The following KCNN3 variants were observed in gnomAD, a reference collection of about 807,000 sequenced individuals.
The protein encoded by KCNN3 is potassium calcium-activated channel subfamily N member 3, also known as small conductance calcium-activated potassium channel protein 3.
Under a neutral mutation model 62.9 loss-of-function variants are expected in KCNN3, and 16 were observed. That is an observed-to-expected ratio of 0.25 (90% CI 0.17 to 0.39). The LOEUF is 0.39. Ranked by LOEUF, KCNN3 falls within the 10% of genes least tolerant of loss-of-function variation. KCNN3 has a pLI of 1.00. For synonymous variants in KCNN3, 370 were observed against 389.2 expected (o/e 0.95, Z 0.58); for missense variants, 599 against 949.4 (o/e 0.63, Z 4.85).
intron 1 of KCNN3, among the ~76,000 whole-genome samples, chr1:154,838,412 G>C (rs1348305461): frequency 2.6e-5 from 4 of 152,070 alleles, no homozygotes; most frequent in Non-Finnish European, 5.9e-5. Flanking sequence ...GCTCCCCACA[G>C]CCTCTGGGAT....
intron 1 of KCNN3, among the ~76,000 whole-genome samples, chr1:154,851,099 C>T (rs1652281860): frequency 1.3e-5 from 2 of 152,224 alleles, no homozygotes; most frequent in African/African-American, 4.8e-5. Context: ...CTGCCTCAGC[C>T]TCCCGAGTAG....
chr1:154,720,734 G>A (rs1700328406), intron 5 of KCNN3, among the ~76,000 whole-genome samples: 2 of 152,228 alleles, frequency 1.3e-5, no homozygotes, highest in African/African-American at 4.8e-5. Context: ...AGAGTCTAAG[G>A]AGATCCATGG....
At chr1:154,739,144 C>T (rs1444599695) in intron 3 of KCNN3, among the ~76,000 whole-genome samples, 1 of 152,150 alleles carries the variant, frequency 6.6e-6, no homozygotes, top group South Asian at 2.1e-4. Flanking sequence ...AAGTAGCTGC[C>T]TCTGGAGAAC....
chr1:154,778,774 G>T (rs911978403), intron 2 of KCNN3, among the ~76,000 whole-genome samples: 5 of 151,860 alleles, frequency 3.3e-5, no homozygotes, highest in Non-Finnish European at 5.9e-5. Flanking sequence ...GCTAATTTTT[G>T]TATTTTTAGT....
At chr1:154,784,399 C>G (rs921880528) in intron 2 of KCNN3, among the ~76,000 whole-genome samples, 2 of 152,202 alleles carry the variant, frequency 1.3e-5, no homozygotes, top group Admixed American at 1.3e-4. Flanking sequence ...GGTGTCTCAT[C>G]CCAGCTAAAC....
rs1424334152 is a variant in KCNN3 at position 154,702,724 on chromosome 1, T to G, written c.*5252A>C. 1 of 124,014 alleles carries G rather than the reference T, an allele frequency of 8.1e-6. No individual in the cohort carries two copies. The highest frequency in any genetic ancestry group is 1.6e-5 in the Non-Finnish European group (1 of 62,360). The allele number at this position is 124,014 out of a possible 1,614,324, so 7.7% of individuals were successfully genotyped here. On this transcript the variant is annotated 3_prime_UTR_variant, in exon 8 of 8. Transcript: ENST00000271915. ...AGATATATATATATATATATATATA[T>G]ATATATATATATATATATATATATG... is the stretch of plus-strand genomic sequence containing the variant.
chr1:154,859,016 C>T (rs1042622971), intron 1 of KCNN3, among the ~76,000 whole-genome samples: 1 of 152,168 alleles, frequency 6.6e-6, no homozygotes, highest in African/African-American at 2.4e-5. Flanking sequence ...AGGTATGGTG[C>T]CCCCCTGAGG....
intron 6 of KCNN3, among the ~76,000 whole-genome samples, chr1:154,714,599 ATGTGTGG>A (rs879631409): frequency 0.17 from 3,418 of 19,840 alleles, 326 homozygotes; most frequent in Non-Finnish European, 0.23. Flanking sequence ...GGTGTGTGTG[ATGTGTGG>A]TGTGTGGTGT....
At chr1:154,846,137 G>A (rs1395476246) in intron 1 of KCNN3, among the ~76,000 whole-genome samples, 1 of 152,144 alleles carries the variant, frequency 6.6e-6, no homozygotes, top group Non-Finnish European at 1.5e-5. Flanking sequence ...TTCCTGCCAG[G>A]CCCAAGGGAG....
intron 1 of KCNN3, among the ~76,000 whole-genome samples, chr1:154,829,858 G>C (rs1651312600): frequency 6.6e-6 from 1 of 152,168 alleles, no homozygotes; most frequent in South Asian, 2.1e-4. Context: ...GGCTGGCCAT[G>C]CCTGGTGTCT....
At position 154,870,227 on chromosome 1, in the gene KCNN3, T is replaced by C. The variant is rs1186968846; in HGVS notation, c.-263A>G. On this transcript the variant is annotated 5_prime_UTR_variant, in exon 1 of 8. Transcript: ENST00000271915. Reference sequence around the variant, plus strand: ...GGGGTGAAAGAACTCTCTCAGGAGGTGGTCCTCTAGGAGCGTGTGAGGCCA... The same window carrying C: ...GGGGTGAAAGAACTCTCTCAGGAGGCGGTCCTCTAGGAGCGTGTGAGGCCA... The C allele has an allele frequency of 1.5e-6, 1 of 657,248 alleles. No homozygotes were observed. Among genetic ancestry groups the C allele is most frequent in the South Asian group, 1.5e-5 (1 of 66,200 alleles). 40.7% of individuals were successfully genotyped at this position (657,248 alleles called of 1,614,324 possible).
chr1:154,822,593 C>T lies in KCNN3; in HGVS notation c.934-409G>A, dbSNP rs563148078. On this transcript the variant is annotated intron_variant, in intron 1 of 7. Transcript: ENST00000271915. ...TTACATGGTTTGGGCATCAATATTA[C>T]GCCAGCTTGGGCCTCTGTTTTCTCT... Among the ~76,000 whole-genome samples, 17 of 152,352 alleles carry T rather than the reference C, an allele frequency of 1.1e-4. No individual in the cohort carries two copies. In the South Asian group the frequency reaches 2.5e-3, roughly 22 times the overall value.
rs1262205590 is a variant in KCNN3 at position 154,706,487 on chromosome 1, G to A, written c.*1489C>T. On this transcript the variant is annotated 3_prime_UTR_variant, in exon 8 of 8. Coordinates refer to ENST00000271915, the MANE Select transcript of KCNN3 (RefSeq NM_002249.6). ...CAAATGTTACGTGTGGTCAGATTATGGAGCAATGAAAACATTTTTCTGCGC... is the reference window on the plus strand; with the variant it reads ...CAAATGTTACGTGTGGTCAGATTATAGAGCAATGAAAACATTTTTCTGCGC... 1 of 152,184 alleles carries A rather than the reference G, an allele frequency of 6.6e-6. No individual in the cohort carries two copies. The highest frequency in any genetic ancestry group is 2.4e-5 in the African/African-American group (1 of 41,432). The allele number at this position is 152,184 out of a possible 1,614,324, so 9.4% of individuals were successfully genotyped here. A position where few individuals can be genotyped will look rare whatever the true frequency, so the allele number is the denominator to read the frequency against.
chr1:154,805,145 C>A (rs1036620885), intron 2 of KCNN3, among the ~76,000 whole-genome samples: 1 of 151,948 alleles, frequency 6.6e-6, no homozygotes, highest in African/African-American at 2.4e-5. Context: ...TCGAGTGAGG[C>A]GGTGAAGAGG....
At position 154,867,434 on chromosome 1, in the gene KCNN3, G is replaced by A. The variant is rs992360382; in HGVS notation, c.933+1598C>T. Among the ~76,000 whole-genome samples, 3 of 152,150 alleles carry A rather than the reference G, an allele frequency of 2.0e-5. No individual in the cohort carries two copies. In the South Asian group the frequency reaches 6.2e-4, roughly 32 times the overall value. On this transcript the variant is annotated intron_variant, in intron 1 of 7. Coordinates refer to ENST00000271915, the MANE Select transcript of KCNN3 (RefSeq NM_002249.6). Reference sequence around the variant, plus strand: ...GGGGCAGCCCACTGAGAGAGCAGCCGGGTTGCTGGAGGACCCTCTGCCTGG... The same window carrying A: ...GGGGCAGCCCACTGAGAGAGCAGCCAGGTTGCTGGAGGACCCTCTGCCTGG...
intron 1 of KCNN3, chr1:154,859,634 A>G (rs1227153503): frequency 1.3e-6 from 2 of 1,535,594 alleles, no homozygotes; most frequent in African/African-American, 1.4e-5. Context: ...GGCTCAAGCC[A>G]GGCAACAGGT....
At chr1:154,719,740 C>T (rs1700306513) in intron 5 of KCNN3, among the ~76,000 whole-genome samples, 1 of 152,128 alleles carries the variant, frequency 6.6e-6, no homozygotes, top group South Asian at 2.1e-4. Flanking sequence ...CCACTCTCCC[C>T]TCATCACCAC....
chr1:154,791,228 CAA>C (rs534142359), intron 2 of KCNN3, among the ~76,000 whole-genome samples: 6 of 59,740 alleles, frequency 1.0e-4, no homozygotes, highest in Admixed American at 2.0e-4. Flanking sequence ...GACTCCATCT[CAA>C]AAAAAAAAAA....
In KCNN3 at chr1:154,809,712, G is replaced by A. The variant is rs977069139; in HGVS notation, c.1029+12377C>T. 6.6e-6 allele frequency among the ~76,000 whole-genome samples: 1 copy of A among 152,154 alleles called. No homozygotes were observed. Among genetic ancestry groups the A allele is most frequent in the Non-Finnish European group, 1.5e-5 (1 of 68,044 alleles). Reference sequence around the variant, plus strand: ...AGGGCTGAAACAGCTGCAGGGAAACGTAACAGAAGAAAATGAAAGGTACAG... The same window carrying A: ...AGGGCTGAAACAGCTGCAGGGAAACATAACAGAAGAAAATGAAAGGTACAG... On this transcript the variant is annotated intron_variant, in intron 2 of 7. Transcript: ENST00000271915. This position sits in a 1 kb window ranked among gnomAD's most constrained non-coding sequence, Gnocchi z 4.3.
Sources: gnomAD v4.1 joint callset for allele counts (sites outside exome capture counted in the v4.1 genomes callset) on GRCh38, gnomAD v4.1.1 for gene constraint, Gnocchi (gnomAD v3.1) non-coding constraint, MANE v1.5 for transcripts, NCBI Gene and HGNC (gene_info 2026-07-23, HGNC 2026-07-21) for gene names.